The following MALRD1 variants were observed in gnomAD, a reference collection of about 807,000 sequenced individuals.
MALRD1 encodes the protein MAM and LDL receptor class A domain containing 1.
Under a neutral mutation model 242.1 loss-of-function variants are expected in MALRD1, and 247 were observed. The observed-to-expected ratio is 1.02, with a 90% CI of 0.92 to 1.13. The LOEUF is 1.13. Among genes scored for constraint, MALRD1 ranks in the 50% most tolerant of loss-of-function variants. MALRD1 has a pLI of 0.00. For synonymous variants in MALRD1, 995 were observed against 866.6 expected, an observed-to-expected ratio of 1.15 and a Z score of -2.60; for missense variants, 2,989 against 2,533.1, an observed-to-expected ratio of 1.18 and a Z score of -3.86.
chr10:19,323,671 C>T (rs186059892), intron 21 of MALRD1, among the ~76,000 whole-genome samples: 2 of 152,276 alleles, frequency 1.3e-5, no homozygotes, highest in East Asian at 1.9e-4. Context: ...TGCAATGGCG[C>T]GATCTCAGCT....
intron 32 of MALRD1, among the ~76,000 whole-genome samples, chr10:19,562,270 G>A (rs1416785950): frequency 6.6e-6 from 1 of 151,762 alleles, no homozygotes; most frequent in African/African-American, 2.4e-5. Flanking sequence ...ACTCCAGCCT[G>A]GGCAACAGAG....
intron 14 of MALRD1, among the ~76,000 whole-genome samples, chr10:19,185,370 A>G (rs1356289029): frequency 6.6e-6 from 1 of 152,152 alleles, no homozygotes. Context: ...TAATTTTATG[A>G]AAAAATTCTA....
intron 2 of MALRD1, among the ~76,000 whole-genome samples, chr10:19,081,113 C>G (rs1393138022): frequency 6.6e-6 from 1 of 152,008 alleles, no homozygotes; most frequent in African/African-American, 2.4e-5. Context: ...AGTCAGGAAA[C>G]AACAGATGCT....
intron 18 of MALRD1, among the ~76,000 whole-genome samples, chr10:19,233,184 C>T (rs991326069): frequency 6.6e-6 from 1 of 152,064 alleles, no homozygotes; most frequent in African/African-American, 2.4e-5. Context: ...TCCATCCCCT[C>T]AAGCATTTAT....
Position 19,088,006 on chromosome 10 carries a change from A to T in MALRD1, c.436-18A>T. 8.1e-7 allele frequency: 1 copy of T among 1,233,312 alleles called. No individual in the cohort carries two copies. The highest frequency in any genetic ancestry group is 1.0e-6 in the Non-Finnish European group (1 of 987,722). The allele number at this position is 1,233,312 out of a possible 1,614,324, so 76.4% of individuals were successfully genotyped here. On this transcript the variant is annotated intron_variant, in intron 3 of 39. Coordinates refer to ENST00000454679, the MANE Select transcript of MALRD1 (RefSeq NM_001142308.3). ...ACTTCTTTATCATAATTGTTTGGGT[A>T]CTAATTGTCTTTCACAGATTACATT...
intron 19 of MALRD1, among the ~76,000 whole-genome samples, chr10:19,276,466 A>G (rs577190626): frequency 3.9e-5 from 6 of 152,310 alleles, no homozygotes; most frequent in African/African-American, 1.4e-4. Flanking sequence ...CATATAAAAT[A>G]TCCATCAACC....
intron 1 of MALRD1, among the ~76,000 whole-genome samples, chr10:19,055,156 C>G (rs1466997696): frequency 6.6e-6 from 1 of 152,020 alleles, no homozygotes; most frequent in Non-Finnish European, 1.5e-5. Context: ...ATTAGTAATA[C>G]TGAAAAATTT....
At chr10:19,450,858 A>C (rs1475041894) in intron 29 of MALRD1, among the ~76,000 whole-genome samples, 1 of 152,094 alleles carries the variant, frequency 6.6e-6, no homozygotes, top group Non-Finnish European at 1.5e-5. Context: ...GGTGGAGTCC[A>C]AGTGGAGCCC....
chr10:19,182,659 A>G (rs910473703), intron 14 of MALRD1, among the ~76,000 whole-genome samples: 3 of 152,018 alleles, frequency 2.0e-5, no homozygotes, highest in African/African-American at 7.2e-5. Context: ...TGCAAATCGT[A>G]TAGCCTTTCT....
At chr10:19,454,038 T>C (rs1026375068) in intron 29 of MALRD1, among the ~76,000 whole-genome samples, 5 of 151,978 alleles carry the variant, frequency 3.3e-5, no homozygotes, top group Admixed American at 2.6e-4. Flanking sequence ...CCAGCCTGGG[T>C]AACAGAGTCA....
At position 19,694,833 on chromosome 10, in the gene MALRD1, C is replaced by A. The variant is rs563356503; in HGVS notation, c.6314+2279C>A. 2.5e-4 allele frequency among the ~76,000 whole-genome samples: 38 copies of A among 152,240 alleles called. 1 individual carries two copies. The South Asian group carries it at 7.7e-3, about 31-fold the overall frequency. ...ACTTGGAACCAAGCCAAATGTCCAA[C>A]AATGATAGACTGGATTAAGAAAATG... On this transcript the variant is annotated intron_variant, in intron 38 of 39. Transcript: ENST00000454679.
intron 28 of MALRD1, among the ~76,000 whole-genome samples, chr10:19,406,706 A>AATAT (rs1564313620): frequency 6.6e-6 from 1 of 152,138 alleles, no homozygotes; most frequent in East Asian, 1.9e-4. Context: ...GTATTCTTTA[A>AATAT]AAATAAATAA....
chr10:19,061,777 A>C (rs890098066), intron 1 of MALRD1, among the ~76,000 whole-genome samples: 4 of 152,198 alleles, frequency 2.6e-5, no homozygotes, highest in African/African-American at 9.7e-5. Flanking sequence ...ACCATATACA[A>C]CAAGGTACCT....
intron 22 of MALRD1, among the ~76,000 whole-genome samples, chr10:19,327,299 C>T (rs964788519): frequency 1.3e-5 from 2 of 151,992 alleles, no homozygotes; most frequent in African/African-American, 4.8e-5. Context: ...TAGTTGAGTT[C>T]TTAATTAAAT....
At chr10:19,140,563 G>GTGTGTGTGTT (rs1833504217) in intron 10 of MALRD1, among the ~76,000 whole-genome samples, 1 of 151,758 alleles carries the variant, frequency 6.6e-6, no homozygotes, top group Admixed American at 6.6e-5. Context: ...GTGTGTGTGT[G>GTGTGTGTGTT]TGTGTGTGTA....
intron 31 of MALRD1, among the ~76,000 whole-genome samples, chr10:19,529,101 A>C (rs917375815): frequency 2.0e-5 from 3 of 152,302 alleles, no homozygotes; most frequent in Middle Eastern, 3.4e-3. Context: ...TCTCACAGCA[A>C]AGATGAAAGA....
At chr10:19,302,822 AG>A (rs2131961681) in intron 21 of MALRD1, among the ~76,000 whole-genome samples, 1 of 151,892 alleles carries the variant, frequency 6.6e-6, no homozygotes, top group East Asian at 1.9e-4. Context: ...TCAATAGGTG[AG>A]GGATGAATTT....
intron 25 of MALRD1, among the ~76,000 whole-genome samples, chr10:19,349,109 G>A (rs920553789): frequency 1.3e-5 from 2 of 152,056 alleles, no homozygotes; most frequent in African/African-American, 4.8e-5. Context: ...TTACAGGCGT[G>A]CACAACCATC....
intron 14 of MALRD1, among the ~76,000 whole-genome samples, chr10:19,187,964 TAA>T: frequency 6.6e-6 from 1 of 152,234 alleles, no homozygotes; most frequent in East Asian, 1.9e-4. Context: ...AAAGTCGAAA[TAA>T]AAAGTCTTGA....
Sources: gnomAD v4.1 joint callset for allele counts (sites outside exome capture counted in the v4.1 genomes callset) on GRCh38, gnomAD v4.1.1 for gene constraint, MANE v1.5 for transcripts, NCBI Gene and HGNC (gene_info 2026-07-23, HGNC 2026-07-21) for gene names.